GABRG2: variants seen among roughly 807,000 people sequenced by gnomAD.
GABRG2 encodes gamma-aminobutyric acid receptor subunit gamma-2.
Under a neutral mutation model 56.4 loss-of-function variants are expected in GABRG2, and 16 were observed. The observed-to-expected ratio is 0.28, with a 90% CI of 0.19 to 0.43. GABRG2 has a LOEUF of 0.43. Among genes scored for constraint, GABRG2 ranks in the 20% least tolerant of loss-of-function variants. The pLI, the probability that GABRG2 is intolerant of heterozygous loss-of-function variation, is 1.00. For synonymous variants in GABRG2, 208 were observed against 205.5 expected, an observed-to-expected ratio of 1.01 and a Z score of -0.10; for missense variants, 327 against 582.7, an observed-to-expected ratio of 0.56 and a Z score of 4.52.
chr5:162,113,777 G>C (rs372087393), intron 6 of GABRG2, among the ~76,000 whole-genome samples: 2 of 152,126 alleles, frequency 1.3e-5, no homozygotes, highest in African/African-American at 4.8e-5. Flanking sequence ...ACTGTGTAAC[G>C]GTTCCTTGTT....
chr5:162,109,581 G>C (rs1224762531), intron 6 of GABRG2, among the ~76,000 whole-genome samples: 1 of 151,288 alleles, frequency 6.6e-6, no homozygotes, highest in Non-Finnish European at 1.5e-5. Flanking sequence ...AGTCATAATG[G>C]ACTATTAACC....
At position 162,095,508 on chromosome 5, in the gene GABRG2, A is replaced by G; in HGVS notation, c.273A>G (p.Leu91=). ...LRPDIGVKPT[L]IHTDMYVNSI... ...TTCTCTTTACAGTGAAGCCAACGTTAATTCACACAGACATGTATGTGAATA... is the reference window on the plus strand; with the variant it reads ...TTCTCTTTACAGTGAAGCCAACGTTGATTCACACAGACATGTATGTGAATA... Residue 91 remains leucine, a synonymous_variant, in exon 3 of 10, where the codon TTA becomes TTG. Coordinates refer to ENST00000639213, the MANE Select transcript of GABRG2 (RefSeq NM_198904.4). The G allele has an allele frequency of 6.2e-7, 1 of 1,606,532 alleles. No individual in the cohort carries two copies. Among genetic ancestry groups the G allele is most frequent in the Admixed American group, 1.7e-5 (1 of 59,816 alleles).
At chr5:162,142,097 T>G in intron 6 of GABRG2, 67 bp from the exon 7 acceptor site, 2 of 1,485,324 alleles carry the variant, frequency 1.3e-6, no homozygotes, top group Non-Finnish European at 1.9e-6. Context: ...ATTAAATACA[T>G]GCTTAGTTTT....
At position 162,087,364 on chromosome 5, in the gene GABRG2, C is replaced by A. The variant is rs1215641002; in HGVS notation, c.108-6464C>A. On this transcript the variant is annotated intron_variant, in intron 1 of 9. Transcript: ENST00000639213. ...TATATAATGAAGGTTAAATATTTATCATTTTCTCATTCTCTAGCCACTGAT... is the reference window on the plus strand; with the variant it reads ...TATATAATGAAGGTTAAATATTTATAATTTTCTCATTCTCTAGCCACTGAT... Among the ~76,000 whole-genome samples the A allele has an allele frequency of 3.9e-5, 6 of 151,974 alleles. No individual in the cohort carries two copies. In the East Asian group the frequency reaches 1.2e-3, roughly 29 times the overall value.
In GABRG2 at chr5:162,153,357, C is replaced by T; in HGVS notation, c.1417C>T (p.Leu473Phe). The change falls in exon 10 of 10, where the codon CTC (leucine) becomes TTC (phenylalanine). Residue 473 changes from leucine (L) to phenylalanine (F), a missense_variant. By Grantham distance (22) the Leu-to-Phe change is conservative (BLOSUM62 0). This residue lies in a region of GABRG2 where 108 missense variants were observed against 144.2 expected (regional missense o/e 0.75). Transcript: ENST00000639213. ...LFNLVYWVSY[L>F]YL ...TAATCTGGTCTATTGGGTCTCCTAC[C>T]TCTACCTGTGAGGAGGTATGGGTTT... is the stretch of plus-strand genomic sequence containing the variant. 6.2e-7 allele frequency: 1 copy of T among 1,613,940 alleles called. No homozygotes were observed. The highest frequency in any genetic ancestry group is 8.5e-7 in the Non-Finnish European group (1 of 1,179,862).
chr5:162,134,998 C>T (rs721719), intron 6 of GABRG2, among the ~76,000 whole-genome samples: 24,447 of 152,096 alleles, frequency 0.16, 2,545 homozygotes, highest in East Asian at 0.31. Context: ...CCCTCAATTG[C>T]TATTTTGTTC....
At chr5:162,151,599 T>C in intron 8 of GABRG2, 131 bp from the exon 9 acceptor site, 1 of 753,082 alleles carries the variant, frequency 1.3e-6, no homozygotes, top group South Asian at 1.7e-5. Flanking sequence ...GTTTATAATT[T>C]CAGTTCATTT....
chr5:162,131,587 A>G (rs1763761693), intron 6 of GABRG2, among the ~76,000 whole-genome samples: 1 of 151,982 alleles, frequency 6.6e-6, no homozygotes, highest in Non-Finnish European at 1.5e-5. Context: ...GAAATAAGCT[A>G]TGAGCTGAAA....
At chr5:162,092,206 C>A (rs979058809) in intron 1 of GABRG2, among the ~76,000 whole-genome samples, 2 of 151,996 alleles carry the variant, frequency 1.3e-5, no homozygotes, top group African/African-American at 4.8e-5. Flanking sequence ...CCTCTGCTTG[C>A]GTGGAGGCTT....
intron 6 of GABRG2, among the ~76,000 whole-genome samples, chr5:162,116,869 T>C (rs898856202): frequency 1.3e-5 from 2 of 152,090 alleles, no homozygotes; most frequent in African/African-American, 4.8e-5. Flanking sequence ...GAATTCCTAA[T>C]CACGTGAATG....
At chr5:162,068,639 A>G (rs368505496) in intron 1 of GABRG2, among the ~76,000 whole-genome samples, 2 of 152,240 alleles carry the variant, frequency 1.3e-5, no homozygotes, top group African/African-American at 2.4e-5. Context: ...ATCCAGTCCC[A>G]TTGACCCAAC....
chr5:162,081,215 A>T (rs1223314725), intron 1 of GABRG2, among the ~76,000 whole-genome samples: 9 of 152,132 alleles, frequency 5.9e-5, no homozygotes, highest in Admixed American at 2.0e-4. Context: ...CTCCCAAAAA[A>T]TTTTTTAAAA....
intron 1 of GABRG2, among the ~76,000 whole-genome samples, chr5:162,085,826 G>T (rs566133975): frequency 2.0e-5 from 3 of 151,590 alleles, no homozygotes; most frequent in African/African-American, 7.3e-5. Context: ...AAGAATATGC[G>T]GTATTTGGTT....
intron 6 of GABRG2, among the ~76,000 whole-genome samples, chr5:162,124,520 G>T (rs1353273658): frequency 6.6e-6 from 1 of 151,694 alleles, no homozygotes. Context: ...AAGGAATGCG[G>T]CAATGCACAT....
At chr5:162,126,918 A>T (rs1455700930) in intron 6 of GABRG2, among the ~76,000 whole-genome samples, 1 of 152,014 alleles carries the variant, frequency 6.6e-6, no homozygotes, top group Non-Finnish European at 1.5e-5. Flanking sequence ...ATAGCAGATG[A>T]TCAACAAACT....
intron 1 of GABRG2, among the ~76,000 whole-genome samples, chr5:162,079,622 A>T (rs1481517788): frequency 2.6e-5 from 4 of 151,864 alleles, no homozygotes; most frequent in Non-Finnish European, 4.4e-5. Context: ...AATTTAAAAA[A>T]ATAATATATA....
intron 6 of GABRG2, among the ~76,000 whole-genome samples, chr5:162,141,813 C>T (rs918414845): frequency 2.6e-5 from 4 of 152,098 alleles, no homozygotes; most frequent in Middle Eastern, 3.4e-3. Context: ...AGACAAGATA[C>T]GCACAATGTA....
intron 6 of GABRG2, among the ~76,000 whole-genome samples, chr5:162,109,246 G>C (rs1581376267): frequency 6.6e-6 from 1 of 151,640 alleles, no homozygotes; most frequent in South Asian, 2.1e-4. Context: ...CTGTTGTGGG[G>C]TGGGGGTAGG....
rs1218953360 is a variant in GABRG2 at position 162,093,857 on chromosome 5, A to G, written c.137A>G (p.Tyr46Cys). 6.2e-7 allele frequency: 1 copy of G among 1,613,054 alleles called. No homozygotes were observed. The highest frequency in any genetic ancestry group is 1.3e-5 in the African/African-American group (1 of 74,870). The change falls in exon 2 of 10, where the codon TAT (tyrosine) becomes TGT (cysteine). Residue 46 changes from tyrosine (Y) to cysteine (C), a missense_variant. Coordinates refer to ENST00000639213, the MANE Select transcript of GABRG2 (RefSeq NM_198904.4). ...ACTAGCCAGAAATCTGATGATGACT[A>G]TGAAGATTATGCTTCTAACAAAACA... ...GFTSQKSDDD[Y>C]EDYASNKTWV...
Sources: gnomAD v4.1 joint callset for allele counts (sites outside exome capture counted in the v4.1 genomes callset) on GRCh38, gnomAD v4.1.1 for gene constraint, gnomAD v4.1.1 regional missense constraint, MANE v1.5 for transcripts, NCBI Gene and HGNC (gene_info 2026-07-23, HGNC 2026-07-21) for gene names.